The following CLDN14 variants were observed in gnomAD, a reference collection of about 807,000 sequenced individuals.
CLDN14 encodes the protein claudin 14.
In CLDN14, 2 loss-of-function variants were observed where a neutral mutation model predicts 2.1. The ratio of observed to expected loss-of-function variants is 0.96; its 90% CI spans 0.39 to 3.01. CLDN14 has a LOEUF of 3.01. CLDN14 is among the 30% of genes most tolerant of loss of function. CLDN14 has a pLI of 0.09. For missense variants in CLDN14, 298 were observed against 328.0 expected (o/e 0.91, Z 0.71); for synonymous variants, 136 against 154.4 (o/e 0.88, Z 0.88).
At chr21:36,571,509 G>T (rs1349809134) in intron 1 of CLDN14, among the ~76,000 whole-genome samples, 1 of 152,146 alleles carries the variant, frequency 6.6e-6, no homozygotes, top group Non-Finnish European at 1.5e-5. Flanking sequence ...CCAAGCGAAC[G>T]TGCCCTTCAA....
At position 36,553,443 on chromosome 21, in the gene CLDN14, C is replaced by T. The variant is rs559203647; in HGVS notation, c.-220+22968G>A. ...TCTGCTGGCAAGCTCTTGCAGTATA[C>T]GCCTTCCGGTGACTGTCCCTTTGAT... On this transcript the variant is annotated intron_variant, in intron 1 of 2. Coordinates refer to the CLDN14 transcript ENST00000342108. Among the ~76,000 whole-genome samples the T allele has an allele frequency of 2.5e-4, 38 of 152,210 alleles. No individual in the cohort carries two copies. In the South Asian group the frequency reaches 5.8e-3, roughly 23 times the overall value.
Position 36,461,004 on chromosome 21 carries a change from C to G in CLDN14, c.692G>C (p.Ser231Thr). Residue 231 changes from serine to threonine, a missense_variant, in exon 2 of 2, where the codon AGC (serine) becomes ACC (threonine). Coordinates refer to ENST00000399135, the MANE Select transcript of CLDN14 (RefSeq NM_001146079.2). ...CACGTAGTCGTTCAGCCTGTACCCG[C>G]TGTGCGTGGCCGAGGTCACTGAGGG... ...RAPSVTSATHSGYRLNDYV is the reference protein window; with the variant it reads ...RAPSVTSATHTGYRLNDYV The G allele has an allele frequency of 6.2e-7, 1 of 1,613,156 alleles. No individual in the cohort carries two copies. Among genetic ancestry groups the G allele is most frequent in the Non-Finnish European group, 8.5e-7 (1 of 1,179,936 alleles).
At chr21:36,505,131 A>G (rs1287461619) in intron 2 of CLDN14, among the ~76,000 whole-genome samples, 1 of 152,218 alleles carries the variant, frequency 6.6e-6, no homozygotes, top group East Asian at 1.9e-4. Context: ...TCTCCACTAT[A>G]TGAGAACAGA....
At chr21:36,562,782 G>T (rs1365361280) in intron 1 of CLDN14, among the ~76,000 whole-genome samples, 3 of 151,850 alleles carry the variant, frequency 2.0e-5, no homozygotes, top group Non-Finnish European at 2.9e-5. Flanking sequence ...TGGAGACTTG[G>T]CTGGTTCTCA....
chr21:36,565,000 C>A (rs2087662414), intron 1 of CLDN14, among the ~76,000 whole-genome samples: 1 of 152,200 alleles, frequency 6.6e-6, no homozygotes, highest in South Asian at 2.1e-4. Flanking sequence ...TGATCACAAC[C>A]CAGTGAGCCT....
intron 1 of CLDN14, among the ~76,000 whole-genome samples, chr21:36,556,564 C>T (rs1474340042): frequency 6.6e-6 from 1 of 152,198 alleles, no homozygotes; most frequent in Non-Finnish European, 1.5e-5. Flanking sequence ...CGCTTCTTTC[C>T]TCTACGAAGA....
chr21:36,515,672 C>CAAA (rs112275304), intron 1 of CLDN14, among the ~76,000 whole-genome samples: 10 of 85,250 alleles, frequency 1.2e-4, no homozygotes, highest in Non-Finnish European at 2.5e-4. Flanking sequence ...GTCTCCATCT[C>CAAA]AAAAAAAAAA....
At chr21:36,537,772 C>T (rs887811196) in intron 1 of CLDN14, among the ~76,000 whole-genome samples, 4 of 152,034 alleles carry the variant, frequency 2.6e-5, no homozygotes, top group Non-Finnish European at 4.4e-5. Context: ...GCCTCAGCCT[C>T]CCAAGTAGCT....
intron 1 of CLDN14, among the ~76,000 whole-genome samples, chr21:36,558,068 C>A (rs2087611132): frequency 6.6e-6 from 1 of 152,106 alleles, no homozygotes. Context: ...TTACTGTCAC[C>A]CTTGTCAAAA....
rs1190271380 is a variant in CLDN14 at position 36,461,058 on chromosome 21, G to A, written c.638C>T (p.Pro213Leu). 1.9e-6 allele frequency: 3 copies of A among 1,613,936 alleles called. No individual in the cohort carries two copies. The highest frequency in any genetic ancestry group is 1.1e-5 in the South Asian group (1 of 91,088). Reference protein sequence around the residue: ...TTANTAPAYQPPAAYKDNRAP... With the variant: ...TTANTAPAYQLPAAYKDNRAP... Reference sequence around the variant, plus strand: ...CCGATTGTCTTTGTAGGCAGCTGGTGGCTGGTAGGCAGGTGCGGTGTTTGC... The same window carrying A: ...CCGATTGTCTTTGTAGGCAGCTGGTAGCTGGTAGGCAGGTGCGGTGTTTGC... Residue 213 changes from proline (P) to leucine (L), a missense_variant, in exon 2 of 2, where the codon CCA becomes CTA. Coordinates refer to ENST00000399135, the MANE Select transcript of CLDN14 (RefSeq NM_001146079.2).
rs183366161 is a variant in CLDN14, at chr21:36,529,550, A to G, written c.-219-19050T>C. On this transcript the variant is annotated intron_variant, in intron 1 of 2. Coordinates refer to the CLDN14 transcript ENST00000342108. The stretch of plus-strand genomic sequence containing the variant: ...AGAGGCCTCCCAAAGTGCTGGGATT[A>G]CAGGTGTGAGCCACCCACACCTGGC... Among the ~76,000 whole-genome samples, 782 of 152,258 alleles carry G rather than the reference A, an allele frequency of 5.1e-3. 5 individuals carry two copies. Among genetic ancestry groups the G allele is most frequent in the African/African-American group, 0.018 (745 of 41,548 alleles).
At chr21:36,489,868 C>T (rs1044504836) in intron 2 of CLDN14, among the ~76,000 whole-genome samples, 1 of 152,204 alleles carries the variant, frequency 6.6e-6, no homozygotes, top group African/African-American at 2.4e-5. Flanking sequence ...TTTCCTCCCC[C>T]AGTAGCCAGC....
At chr21:36,516,531 T>C (rs566588019) in intron 1 of CLDN14, among the ~76,000 whole-genome samples, 1 of 152,358 alleles carries the variant, frequency 6.6e-6, no homozygotes, top group Admixed American at 6.5e-5. Flanking sequence ...AATTTCTGTA[T>C]TCATCAAAAG....
At position 36,486,669 on chromosome 21, in the gene CLDN14, C is replaced by A. The variant is rs1322777065; in HGVS notation, c.-82+23694G>T. The A allele has an allele frequency of 1.5e-5, 21 of 1,408,890 alleles. No homozygotes were observed. In the African/African-American group the frequency reaches 2.6e-4, roughly 17 times the overall value. The allele number at this position is 1,408,890 out of a possible 1,614,324, so 87.3% of individuals were successfully genotyped here. ...AGCTTTTCTCTGTTCACCTCCTCTT[C>A]CCCCAAATTTATCATGTCAACATTT... On this transcript the variant is annotated intron_variant, in intron 2 of 2. Transcript: ENST00000342108.
chr21:36,494,438 A>G (rs567051486), intron 2 of CLDN14, among the ~76,000 whole-genome samples: 2 of 152,334 alleles, frequency 1.3e-5, no homozygotes, highest in South Asian at 4.1e-4. Context: ...GCACACTGGC[A>G]TGTTCGAGAG....
At chr21:36,480,727 A>T (rs1255681491), upstream of CLDN14, 1 of 152,178 alleles carries the variant, frequency 6.6e-6, no homozygotes, top group East Asian at 1.9e-4. Flanking sequence ...ATTTAACATG[A>T]CAAGAATTTC....
chr21:36,539,452 G>C (rs182107821), intron 1 of CLDN14, among the ~76,000 whole-genome samples: 63 of 148,144 alleles, frequency 4.3e-4, no homozygotes, highest in Non-Finnish European at 8.5e-4. Flanking sequence ...TGTGTGTGCA[G>C]AGTGAGTGTG....
At chr21:36,566,395 C>T (rs2087673067) in intron 1 of CLDN14, among the ~76,000 whole-genome samples, 2 of 152,194 alleles carry the variant, frequency 1.3e-5, no homozygotes, top group Admixed American at 1.3e-4. Context: ...TAGGAGGAGA[C>T]TTAGTCAAAT....
chr21:36,509,381 G>A (rs2087164718), intron 2 of CLDN14, among the ~76,000 whole-genome samples: 1 of 152,192 alleles, frequency 6.6e-6, no homozygotes, highest in African/African-American at 2.4e-5. Context: ...GGTGGTGTTG[G>A]CTGCAGGGAA....
Sources: gnomAD v4.1 joint callset for allele counts (sites outside exome capture counted in the v4.1 genomes callset) on GRCh38, gnomAD v4.1.1 for gene constraint, MANE v1.5 for transcripts, NCBI Gene and HGNC (gene_info 2026-07-23, HGNC 2026-07-21) for gene names.